The following BLOC1S5 variants were observed in gnomAD, a reference collection of about 807,000 sequenced individuals.
BLOC1S5 encodes the protein biogenesis of lysosomal organelles complex 1 subunit 5.
BLOC1S5 carries 27 observed loss-of-function variants against 24.3 expected under a neutral mutation model. That is an observed-to-expected ratio of 1.11 (90% CI 0.82 to 1.53). BLOC1S5 has a LOEUF of 1.53. Ranked by LOEUF, BLOC1S5 falls within the 40% of genes most tolerant of loss-of-function variation. The pLI, the probability that BLOC1S5 is intolerant of heterozygous loss-of-function variation, is 0.00. For synonymous variants in BLOC1S5, 84 were observed against 74.5 expected (o/e 1.13, Z -0.66); for missense variants, 239 against 229.4 (o/e 1.04, Z -0.27).
intron 2 of BLOC1S5, among the ~76,000 whole-genome samples, chr6:8,061,905 G>A (rs1039857710): frequency 6.6e-6 from 1 of 152,204 alleles, no homozygotes; most frequent in Admixed American, 6.5e-5. Context: ...AAAAGCAGGA[G>A]CCAGGTCACA....
At chr6:8,034,509 A>C (rs904843653) in intron 3 of BLOC1S5, among the ~76,000 whole-genome samples, 1 of 152,212 alleles carries the variant, frequency 6.6e-6, no homozygotes, top group African/African-American at 2.4e-5. Flanking sequence ...GGATAGCATT[A>C]GGAGAAATAC....
In BLOC1S5 at chr6:8,041,145, G is replaced by A; in HGVS notation, c.319C>T (p.Gln107Ter). The change falls in exon 3 of 5, where the codon CAG becomes TAG. Residue 107 changes from glutamine (Q) to a stop codon, truncating the protein, a stop_gained. Coordinates refer to ENST00000397457, the MANE Select transcript of BLOC1S5 (RefSeq NM_201280.3). LOFTEE classifies it high-confidence loss of function. ...AAAAGAATTGCTGACTCACATCTCTGGAGAACCTGGCTGAGGCTGTCCCGC... is the reference window on the plus strand; with the variant it reads ...AAAAGAATTGCTGACTCACATCTCTAGAGAACCTGGCTGAGGCTGTCCCGC... ...TMRDSLSQVL[Q>*]RLQAANDSVC... The A allele has an allele frequency of 1.9e-6, 3 of 1,584,366 alleles. No individual in the cohort carries two copies. Among genetic ancestry groups the A allele is most frequent in the Non-Finnish European group, 2.6e-6 (3 of 1,168,034 alleles).
chr6:8,018,326 G>A (rs1205788506), intron 4 of BLOC1S5, among the ~76,000 whole-genome samples: 1 of 152,198 alleles, frequency 6.6e-6, no homozygotes, highest in Non-Finnish European at 1.5e-5. Context: ...AAGAAAAAAT[G>A]CAGATAAACT....
intron 3 of BLOC1S5, among the ~76,000 whole-genome samples, chr6:8,040,349 G>C (rs976250707): frequency 5.3e-5 from 8 of 152,176 alleles, no homozygotes; most frequent in Non-Finnish European, 1.2e-4. Flanking sequence ...AAATTCGTTT[G>C]TATTTTTAAT....
intron 4 of BLOC1S5, among the ~76,000 whole-genome samples, chr6:8,021,034 C>T (rs1387067768): frequency 6.6e-6 from 1 of 152,142 alleles, no homozygotes; most frequent in Non-Finnish European, 1.5e-5. Flanking sequence ...AAACAGAATA[C>T]AGTCTACACA....
Position 8,015,386 on chromosome 6 carries a change from A to T in BLOC1S5, c.*263T>A. The T allele has an allele frequency of 2.6e-6, 1 of 378,828 alleles. No individual in the cohort carries two copies. The highest frequency in any genetic ancestry group is 2.1e-5 in the African/African-American group (1 of 48,770). The allele number at this position is 378,828 out of a possible 1,614,324, so 23.5% of individuals were successfully genotyped here. On this transcript the variant is annotated 3_prime_UTR_variant, in exon 5 of 5. Coordinates refer to ENST00000397457, the MANE Select transcript of BLOC1S5 (RefSeq NM_201280.3). The stretch of plus-strand genomic sequence containing the variant: ...ATGGAAAAGATGATCAATTCTGACT[A>T]ACAAAGAGTATATTGATTCCATTTT...
chr6:8,062,162 T>C (rs943495595), intron 2 of BLOC1S5, among the ~76,000 whole-genome samples: 1 of 152,218 alleles, frequency 6.6e-6, no homozygotes, highest in African/African-American at 2.4e-5. Context: ...AGTTTTAATT[T>C]GACTGCTTGC....
intron 4 of BLOC1S5, among the ~76,000 whole-genome samples, chr6:8,023,994 G>T (rs1763020415): frequency 6.6e-6 from 1 of 152,116 alleles, no homozygotes; most frequent in Non-Finnish European, 1.5e-5. Context: ...AGAATGTAAA[G>T]AATTTTTACT....
chr6:8,027,469 A>G (rs1011026514), intron 3 of BLOC1S5: 3 of 456,192 alleles, frequency 6.6e-6, no homozygotes, highest in Non-Finnish European at 1.3e-5. Context: ...AGAACACAGT[A>G]CATACTATGC....
intron 3 of BLOC1S5, among the ~76,000 whole-genome samples, chr6:8,038,764 G>A (rs1246190685): frequency 2.0e-5 from 3 of 152,210 alleles, no homozygotes; most frequent in Admixed American, 6.5e-5. Flanking sequence ...GATTACAGGC[G>A]TGGGCCACCA....
At position 8,014,873 on chromosome 6, in the gene BLOC1S5, G is replaced by A. The variant is rs771970224; in HGVS notation, c.*776C>T. ...CACAGCAAAACAGACACAAAAATGA[G>A]GTAAATACTATGGGCAAGATTATAG... On this transcript the variant is annotated 3_prime_UTR_variant, in exon 5 of 5. Coordinates refer to ENST00000397457, the MANE Select transcript of BLOC1S5 (RefSeq NM_201280.3). 6.6e-6 allele frequency: 1 copy of A among 152,568 alleles called. No individual in the cohort carries two copies. The highest frequency in any genetic ancestry group is 2.4e-5 in the African/African-American group (1 of 41,438). The allele number at this position is 152,568 out of a possible 1,614,324, so 9.5% of individuals were successfully genotyped here.
intron 2 of BLOC1S5, among the ~76,000 whole-genome samples, chr6:8,043,836 CAT>C (rs536188130): frequency 3.9e-5 from 6 of 152,152 alleles, no homozygotes; most frequent in Non-Finnish European, 1.5e-5. Context: ...AGAATTCCCA[CAT>C]GTTGTGGGAG....
At chr6:8,062,711 G>T in intron 1 of BLOC1S5, 95 bp from the exon 2 acceptor site, 1 of 795,752 alleles carries the variant, frequency 1.3e-6, no homozygotes, top group Non-Finnish European at 2.0e-6. Flanking sequence ...AGAGATGAAG[G>T]TTAAAATCCA....
chr6:8,053,249 T>C (rs1446743519), intron 2 of BLOC1S5, among the ~76,000 whole-genome samples: 1 of 152,194 alleles, frequency 6.6e-6, no homozygotes, highest in Non-Finnish European at 1.5e-5. Context: ...AGAATGAAAT[T>C]TCGAAAAAAC....
chr6:8,027,819 T>C (rs1415547650), intron 3 of BLOC1S5, among the ~76,000 whole-genome samples: 1 of 117,532 alleles, frequency 8.5e-6, no homozygotes, highest in Non-Finnish European at 1.8e-5. Flanking sequence ...CGAGACTCCA[T>C]CTCAAAAAAA....
In BLOC1S5 at chr6:8,014,896, T is replaced by C. The variant is rs2748376; in HGVS notation, c.*753A>G. On this transcript the variant is annotated 3_prime_UTR_variant, in exon 5 of 5. Coordinates refer to ENST00000397457, the MANE Select transcript of BLOC1S5 (RefSeq NM_201280.3). ...GAGGTAAATACTATGGGCAAGATTA[T>C]AGCTCTTGGAAAAACTAAATGTCAA... 91,767 of 152,570 alleles carry C rather than the reference T, an allele frequency of 0.6. 28,254 individuals carry two copies. The highest frequency in any genetic ancestry group is 0.83 in the East Asian group (4,327 of 5,186). The allele number at this position is 152,570 out of a possible 1,614,324, so 9.5% of individuals were successfully genotyped here. A position where few individuals can be genotyped will look rare whatever the true frequency, so the allele number is the denominator to read the frequency against.
intron 4 of BLOC1S5, chr6:8,017,919 C>G (rs1179398766): frequency 6.6e-6 from 1 of 152,200 alleles, no homozygotes; most frequent in Non-Finnish European, 1.5e-5. Flanking sequence ...TTTCACAAGA[C>G]AAACGGTCTT....
chr6:8,017,070 G>T (rs1762767022), intron 4 of BLOC1S5, among the ~76,000 whole-genome samples: 1 of 151,584 alleles, frequency 6.6e-6, no homozygotes, highest in African/African-American at 2.4e-5. Context: ...AAATAAAAAA[G>T]GTATGAATTT....
chr6:8,060,243 GA>G (rs2113609608), intron 2 of BLOC1S5, among the ~76,000 whole-genome samples: 1 of 152,298 alleles, frequency 6.6e-6, no homozygotes, highest in East Asian at 1.9e-4. Context: ...ATCTTAGGAA[GA>G]TGGAATTGCT....
Sources: allele counts gnomAD v4.1 joint callset (sites outside exome capture counted in the v4.1 genomes callset), GRCh38; gene constraint gnomAD v4.1.1; transcripts MANE v1.5; gene names NCBI Gene and HGNC (gene_info 2026-07-23, HGNC 2026-07-21).